SLC6A15: variants seen among roughly 807,000 people sequenced by gnomAD.
SLC6A15 encodes solute carrier family 6 member 15, also known as sodium-dependent neutral amino acid transporter B(0)AT2.
A neutral mutation model predicts 68.5 loss-of-function variants in SLC6A15; 33 were observed. That is an observed-to-expected ratio of 0.48 (90% CI 0.37 to 0.64). The LOEUF (loss-of-function observed/expected upper bound fraction) is 0.64, where lower values mean the gene tolerates loss of function less well. Ranked by LOEUF, SLC6A15 falls within the 30% of genes least tolerant of loss-of-function variation. SLC6A15 has a pLI of 0.00. For missense variants in SLC6A15, 747 were observed against 874.3 expected, an observed-to-expected ratio of 0.85 and a Z score of 1.84; for synonymous variants, 347 against 301.0, an observed-to-expected ratio of 1.15 and a Z score of -1.58.
chr12:84,900,728 T>C (rs7959178), intron 1 of SLC6A15, among the ~76,000 whole-genome samples: 18,277 of 151,624 alleles, frequency 0.12, 1,220 homozygotes, highest in South Asian at 0.26. Flanking sequence ...TCTATTCATA[T>C]GGAGTATCAC....
chr12:84,892,152 A>AC lies in SLC6A15; in HGVS notation c.-33_-32insG. On this transcript the variant is annotated 5_prime_UTR_variant, in exon 2 of 12. Transcript: ENST00000266682. The stretch of plus-strand genomic sequence containing the variant: ...GTATGCGAAGTATTTAAAAAAAAAA[A>AC]AAAAAACTCCCTTATGGCAAATGTG... The AC allele has an allele frequency of 1.3e-6, 2 of 1,547,734 alleles. No individual in the cohort carries two copies. Among genetic ancestry groups the AC allele is most frequent in the Non-Finnish European group, 1.7e-6 (2 of 1,153,166 alleles).
chr12:84,883,738 T>G (rs779778742), intron 5 of SLC6A15, 121 bp downstream of exon 5: 18 of 1,603,592 alleles, frequency 1.1e-5, no homozygotes, highest in Middle Eastern at 1.7e-4. Flanking sequence ...CACTAATATT[T>G]AACTACCTAG....
chr12:84,864,036 A>C (rs538714267), intron 10 of SLC6A15, among the ~76,000 whole-genome samples: 4 of 150,786 alleles, frequency 2.7e-5, no homozygotes, highest in Non-Finnish European at 5.9e-5. Flanking sequence ...TATTCTATCA[A>C]GGAATTATTA....
intron 5 of SLC6A15, among the ~76,000 whole-genome samples, chr12:84,879,510 G>C (rs926690926): frequency 6.6e-6 from 1 of 151,604 alleles, no homozygotes; most frequent in Non-Finnish European, 1.5e-5. Context: ...TATTTTAGTA[G>C]AGACGGAGTT....
At chr12:84,890,921 C>T (rs1872359408) in intron 2 of SLC6A15, among the ~76,000 whole-genome samples, 1 of 152,002 alleles carries the variant, frequency 6.6e-6, no homozygotes, top group Admixed American at 6.6e-5. Context: ...TTATTTTCAG[C>T]CACACTTATT....
chr12:84,879,769 C>T (rs1330725571), intron 5 of SLC6A15, among the ~76,000 whole-genome samples: 3 of 147,416 alleles, frequency 2.0e-5, no homozygotes, highest in Admixed American at 6.7e-5. Flanking sequence ...TTAAGTTTTT[C>T]TTCTTGTACA....
At chr12:84,898,326 T>G (rs1872716884) in intron 1 of SLC6A15, among the ~76,000 whole-genome samples, 1 of 152,046 alleles carries the variant, frequency 6.6e-6, no homozygotes, top group Non-Finnish European at 1.5e-5. Flanking sequence ...GGTGACAGAG[T>G]GAGATCTGTC....
chr12:84,884,006 G>A lies in SLC6A15; in HGVS notation c.609C>T (p.Thr203=), dbSNP rs377206051. ...GTGCTTCCCTGTACCAGTAATAGGT[G>A]GTGGCAGAACTTTGTTCACATTCTG... ...VEPECEQSSA[T]TYYWYREALN... is the part of the protein sequence containing the mutation. Residue 203 remains threonine, a synonymous_variant, in exon 5 of 12, where the codon ACC becomes ACT. Transcript: ENST00000266682. The A allele has an allele frequency of 6.8e-6, 11 of 1,613,930 alleles. No homozygotes were observed. In the African/African-American group the frequency reaches 1.2e-4, roughly 18 times the overall value.
chr12:84,876,362 T>C lies in SLC6A15; in HGVS notation c.867+135A>G, dbSNP rs572477582. The stretch of plus-strand genomic sequence containing the variant: ...TAAAAAATGCTGGTTTTTCCTAGAC[T>C]GGTTAACAACTATAATTTAAAAGTT... On this transcript the variant is annotated intron_variant, in intron 6 of 11. Coordinates refer to ENST00000266682, the MANE Select transcript of SLC6A15 (RefSeq NM_182767.6). The C allele has an allele frequency of 2.2e-4, 107 of 478,682 alleles. 3 individuals are homozygous for C. In the South Asian group the frequency reaches 3.1e-3, roughly 14 times the overall value. 29.7% of individuals were successfully genotyped at this position (478,682 alleles called of 1,614,324 possible).
In SLC6A15 at chr12:84,870,493, T is replaced by C; in HGVS notation, c.1480A>G (p.Lys494Glu). ...AAAAACTCACCAGTAAGAATTTCTTTCCTCACTTTGAAAGTGTCCACAATA... is the reference window on the plus strand; with the variant it reads ...AAAAACTCACCAGTAAGAATTTCTTCCCTCACTTTGAAAGTGTCCACAATA... Reference protein sequence around the residue: ...TPIVDTFKVRKEILTVICCLL... With the variant: ...TPIVDTFKVREEILTVICCLL... The change falls in exon 9 of 12, where the codon AAA (lysine) becomes GAA (glutamate). Residue 494 changes from lysine to glutamate, a missense_variant. Coordinates refer to ENST00000266682, the MANE Select transcript of SLC6A15 (RefSeq NM_182767.6). 1 of 1,524,702 alleles carries C rather than the reference T, an allele frequency of 6.6e-7. No individual in the cohort carries two copies. The highest frequency in any genetic ancestry group is 8.8e-7 in the Non-Finnish European group (1 of 1,134,964). The allele number at this position is 1,524,702 out of a possible 1,614,324, so 94.4% of individuals were successfully genotyped here.
chr12:84,888,441 AC>A (rs1872224275), intron 2 of SLC6A15, among the ~76,000 whole-genome samples: 1 of 152,188 alleles, frequency 6.6e-6, no homozygotes, highest in African/African-American at 2.4e-5. Flanking sequence ...ATAAAAAGGA[AC>A]AAAATAATGC....
At chr12:84,878,035 A>T (rs938329459) in intron 5 of SLC6A15, among the ~76,000 whole-genome samples, 3 of 152,136 alleles carry the variant, frequency 2.0e-5, no homozygotes, top group Admixed American at 6.5e-5. Context: ...CGGGCAGGTA[A>T]AAGATACTGA....
Position 84,870,601 on chromosome 12 carries a change from A to G in SLC6A15, c.1372T>C (p.Phe458Leu), listed in dbSNP as rs1871245051. 1 of 1,612,526 alleles carries G rather than the reference A, an allele frequency of 6.2e-7. No individual in the cohort carries two copies. The highest frequency in any genetic ancestry group is 8.5e-7 in the Non-Finnish European group (1 of 1,179,196). Residue 458 changes from phenylalanine (F) to leucine (L), a missense_variant, in exon 9 of 12, where the codon TTC becomes CTC. Physicochemically the swap from Phe to Leu is conservative, Grantham distance 22. Transcript: ENST00000266682. ...ATGAGGAAAAACATCACTGACCAGA[A>G]GGGAGATGCAGGAAAATGTGTCATC... ...EAMTHFPASPFWSVMFFLMLV... is the reference protein window; with the variant it reads ...EAMTHFPASPLWSVMFFLMLV...
At chr12:84,878,438 G>A (rs1223479949) in intron 5 of SLC6A15, among the ~76,000 whole-genome samples, 1 of 152,010 alleles carries the variant, frequency 6.6e-6, no homozygotes, top group Admixed American at 6.6e-5. Flanking sequence ...CTTCAGAAAT[G>A]TTGTGGCTAG....
Position 84,892,039 on chromosome 12 carries a change from C to T in SLC6A15, c.82G>A (p.Asp28Asn). The T allele has an allele frequency of 6.2e-7, 1 of 1,613,232 alleles. No homozygotes were observed. Among genetic ancestry groups the T allele is most frequent in the Non-Finnish European group, 8.5e-7 (1 of 1,179,786 alleles). Reference sequence around the variant, plus strand: ...GTCTTAAAAGCATCATCAGCTGCGTCTTCATTGGAAAGAAGGTCTTTGACA... The same window carrying T: ...GTCTTAAAAGCATCATCAGCTGCGTTTTCATTGGAAAGAAGGTCTTTGACA... ...ESVKDLLSNE[D>N]AADDAFKTSE... Residue 28 changes from aspartate to asparagine, a missense_variant, in exon 2 of 12, where the codon GAC becomes AAC. Physicochemically the swap from Asp to Asn is conservative, Grantham distance 23. Coordinates refer to ENST00000266682, the MANE Select transcript of SLC6A15 (RefSeq NM_182767.6).
In SLC6A15 at chr12:84,873,480, A is replaced by T. The variant is rs538619599; in HGVS notation, c.868-152T>A. The stretch of plus-strand genomic sequence containing the variant: ...AAATAATATGTTCTTAAGCATAAAC[A>T]TCTATTTTTAGGAAACAAATAATTA... On this transcript the variant is annotated intron_variant, in intron 6 of 11. Transcript: ENST00000266682. 4.3e-5 allele frequency: 40 copies of T among 936,100 alleles called. No individual in the cohort carries two copies. In the Admixed American group the frequency reaches 1.1e-3, roughly 26 times the overall value. 58.0% of individuals were successfully genotyped at this position (936,100 alleles called of 1,614,324 possible).
intron 5 of SLC6A15, among the ~76,000 whole-genome samples, 169 bp from the exon 6 acceptor site, chr12:84,876,776 T>G (rs1297237078): frequency 6.6e-6 from 1 of 152,204 alleles, no homozygotes; most frequent in Non-Finnish European, 1.5e-5. Flanking sequence ...TGAGTCGTGA[T>G]TCAGCCTTAA....
In SLC6A15 at chr12:84,892,107, C is replaced by A. The variant is rs756321276; in HGVS notation, c.14G>T (p.Ser5Ile). 1.2e-6 allele frequency: 2 copies of A among 1,602,634 alleles called. No homozygotes were observed. Among genetic ancestry groups the A allele is most frequent in the East Asian group, 2.2e-5 (1 of 44,472 alleles). The change falls in exon 2 of 12, where the codon AGC becomes ATC. Residue 5 changes from serine (S) to isoleucine (I), a missense_variant. Physicochemically the swap from Ser to Ile is moderately radical, Grantham distance 142. Transcript: ENST00000266682. MPKN[S>I]KVVKRELDDD... ...ATCTAATTCTCTTTTTACCACCTTG[C>A]TATTTTTGGGCATTGGAGAGTATGC... is the stretch of plus-strand genomic sequence containing the variant.
At position 84,861,534 on chromosome 12, in the gene SLC6A15, G is replaced by T. The variant is rs767048277; in HGVS notation, c.*98C>A. On this transcript the variant is annotated 3_prime_UTR_variant, in exon 12 of 12. Coordinates refer to ENST00000266682, the MANE Select transcript of SLC6A15 (RefSeq NM_182767.6). ...AAGATCACAGCCACGGAACACCTGA[G>T]ATTGCCCTCTGATAAGTGAAGCCTA... The T allele has an allele frequency of 4.1e-5, 56 of 1,354,920 alleles. No homozygotes were observed. Among genetic ancestry groups the T allele is most frequent in the Non-Finnish European group, 4.9e-5 (49 of 991,758 alleles). 83.9% of individuals were successfully genotyped at this position (1,354,920 alleles called of 1,614,324 possible).
Sources: gnomAD v4.1 joint callset for allele counts (sites outside exome capture counted in the v4.1 genomes callset) on GRCh38, gnomAD v4.1.1 for gene constraint, MANE v1.5 for transcripts, NCBI Gene and HGNC (gene_info 2026-07-23, HGNC 2026-07-21) for gene names.